RBM33: variants seen among roughly 807,000 people sequenced by gnomAD.
RBM33 encodes the protein RNA binding motif protein 33, also known as RNA-binding protein 33.
Under a neutral mutation model 132.6 loss-of-function variants are expected in RBM33, and 28 were observed. That is an observed-to-expected ratio of 0.21 (90% CI 0.16 to 0.29). RBM33 has a LOEUF of 0.29. Ranked by LOEUF, RBM33 falls within the 10% of genes least tolerant of loss-of-function variation. The probability of loss-of-function intolerance (pLI) is 1.00; values close to 1 mark genes in which losing one functional copy is unlikely to be tolerated. For missense variants in RBM33, 1,291 were observed against 1,518.5 expected (o/e 0.85, Z 2.49); for synonymous variants, 634 against 593.0 (o/e 1.07, Z -1.01).
Position 155,737,681 on chromosome 7 carries a change from G to A in RBM33, c.1393+19G>A, listed in dbSNP as rs1563167984. 2 of 1,548,496 alleles carry A rather than the reference G, an allele frequency of 1.3e-6. No individual in the cohort carries two copies. Among genetic ancestry groups the A allele is most frequent in the South Asian group, 1.3e-5 (1 of 78,684 alleles). ...TTAGGAGGTACAGAAAGAGTGAGTGGTGTGGAGTAACAACAGAAGCTGCAT... is the reference window on the plus strand; with the variant it reads ...TTAGGAGGTACAGAAAGAGTGAGTGATGTGGAGTAACAACAGAAGCTGCAT... On this transcript the variant is annotated intron_variant, in intron 10 of 17. Transcript: ENST00000401878.
intron 16 of RBM33, among the ~76,000 whole-genome samples, chr7:155,772,234 C>T (rs1239037678): frequency 1.3e-5 from 2 of 152,114 alleles, no homozygotes; most frequent in Non-Finnish European, 2.9e-5. Context: ...GAGAGAACCC[C>T]GGAGGCACGG....
In RBM33 at chr7:155,741,914, G is replaced by A. The variant is rs780253723; in HGVS notation, c.2145G>A (p.Pro715=). 1.7e-5 allele frequency: 28 copies of A among 1,613,858 alleles called. No individual in the cohort carries two copies. The highest frequency in any genetic ancestry group is 3.3e-5 in the South Asian group (3 of 91,082). Reference sequence around the variant, plus strand: ...ATTTGCGTGAATTACCCATAGCGCCGTCACACGTGATAGAAATGAGCAGCA... The same window carrying A: ...ATTTGCGTGAATTACCCATAGCGCCATCACACGTGATAGAAATGAGCAGCA... ...NSNLRELPIA[P]SHVIEMSSSR... is the part of the protein sequence containing the mutation. Residue 715 remains proline, a synonymous_variant, in exon 13 of 18, where the codon CCG becomes CCA. Transcript: ENST00000401878.
At chr7:155,768,459 C>T (rs992679142) in intron 16 of RBM33, among the ~76,000 whole-genome samples, 8 of 152,178 alleles carry the variant, frequency 5.3e-5, no homozygotes, top group Non-Finnish European at 1.0e-4. Context: ...TATTTTTTAT[C>T]CTAAATGTTT....
intron 16 of RBM33, among the ~76,000 whole-genome samples, chr7:155,768,139 T>C (rs1458933011): frequency 1.3e-5 from 2 of 152,244 alleles, no homozygotes; most frequent in Non-Finnish European, 2.9e-5. Flanking sequence ...CCTGCTACTT[T>C]TGTGGACTTT....
At chr7:155,701,013 T>G (rs1290937100) in intron 6 of RBM33, 69 bp downstream of exon 6, 1 of 1,354,956 alleles carries the variant, frequency 7.4e-7, no homozygotes, top group South Asian at 1.2e-5. Flanking sequence ...ATTGCTGTAA[T>G]TAATCAAAGT....
At chr7:155,739,615 G>T in intron 11 of RBM33, 100 bp from the exon 12 acceptor site, 2 of 1,332,062 alleles carry the variant, frequency 1.5e-6, no homozygotes, top group Non-Finnish European at 2.0e-6. Context: ...ATCGCTGAAA[G>T]TTCCTTTCTT....
At chr7:155,653,820 G>A (rs1055897425) in intron 1 of RBM33, among the ~76,000 whole-genome samples, 1 of 152,192 alleles carries the variant, frequency 6.6e-6, no homozygotes, top group Admixed American at 6.5e-5. Flanking sequence ...GCAATGGGGG[G>A]AGGTGTGATA....
chr7:155,717,675 A>C (rs1800506066), intron 8 of RBM33, among the ~76,000 whole-genome samples: 1 of 152,206 alleles, frequency 6.6e-6, no homozygotes, highest in Non-Finnish European at 1.5e-5. Flanking sequence ...AATCAAGATC[A>C]GTATAGTGCA....
intron 1 of RBM33, 56 bp downstream of exon 1, chr7:155,644,975 G>A: frequency 1.5e-6 from 2 of 1,373,640 alleles, no homozygotes; most frequent in African/African-American, 1.5e-5. Flanking sequence ...GGGCGGGGGT[G>A]TAGGCCGGGG....
Position 155,706,828 on chromosome 7 carries a change from A to G in RBM33, c.740-32A>G, listed in dbSNP as rs761974674. On this transcript the variant is annotated intron_variant, in intron 6 of 17. Transcript: ENST00000401878. Reference sequence around the variant, plus strand: ...AGACCTCCAGTTTGGGCTCTCGGAAAGTAACTAACACATACACATTTTTTC... The same window carrying G: ...AGACCTCCAGTTTGGGCTCTCGGAAGGTAACTAACACATACACATTTTTTC... 6.5e-6 allele frequency: 10 copies of G among 1,547,936 alleles called. No individual in the cohort carries two copies. The South Asian group carries it at 1.1e-4, about 17-fold the overall frequency.
intron 12 of RBM33, among the ~76,000 whole-genome samples, chr7:155,741,250 C>A (rs1000643229): frequency 4.6e-5 from 7 of 150,552 alleles, no homozygotes; most frequent in African/African-American, 1.7e-4. Flanking sequence ...CTCTCGTGTT[C>A]TCTTTGCCTC....
At chr7:155,654,151 A>C (rs1380071983) in intron 1 of RBM33, among the ~76,000 whole-genome samples, 1 of 152,222 alleles carries the variant, frequency 6.6e-6, no homozygotes, top group African/African-American at 2.4e-5. Context: ...CAGCACGTAT[A>C]TCCATCAATC....
rs1294417935 is a variant in RBM33, at chr7:155,707,003, A to G, written c.883A>G (p.Ser295Gly). ...CRGVGDQRRE[S>G]TERGRMKDHR... is the part of the protein sequence containing the mutation. The stretch of plus-strand genomic sequence containing the variant: ...TGGTGTGGGGGACCAGAGGAGAGAG[A>G]GCACCGAGAGGGGCAGGATGAAGGA... The change falls in exon 7 of 18, where the codon AGC becomes GGC. Residue 295 changes from serine (S) to glycine (G), a missense_variant. Ser to Gly is a moderately conservative substitution (Grantham distance 56). Coordinates refer to ENST00000401878, the MANE Select transcript of RBM33 (RefSeq NM_053043.3). 6.3e-7 allele frequency: 1 copy of G among 1,586,544 alleles called. No individual in the cohort carries two copies. Among genetic ancestry groups the G allele is most frequent in the African/African-American group, 1.3e-5 (1 of 74,386 alleles).
intron 3 of RBM33, among the ~76,000 whole-genome samples, chr7:155,675,484 C>T (rs548263130): frequency 6.6e-6 from 1 of 152,156 alleles, no homozygotes; most frequent in East Asian, 1.9e-4. Context: ...GAGGTTGTTT[C>T]CAGCTCATTG....
chr7:155,740,281 G>A (rs28540866), intron 12 of RBM33, among the ~76,000 whole-genome samples: 44,376 of 152,030 alleles, frequency 0.29, 7,919 homozygotes, highest in African/African-American at 0.5. Flanking sequence ...CATCTTTCTT[G>A]TATCTAGATA....
At position 155,741,833 on chromosome 7, in the gene RBM33, G is replaced by C; in HGVS notation, c.2064G>C (p.Gln688His). ...TTTGTGAAAAGAATACAACTTCTCA[G>C]AATGTAAGCAAGCGGCCCATGCAGC... ...RQGLRHNTTS[Q>H]NVSKRPMQQM... Residue 688 changes from glutamine to histidine, a missense_variant, in exon 13 of 18, where the codon CAG becomes CAC. Physicochemically the swap from Gln to His is conservative, Grantham distance 24. Transcript: ENST00000401878. 6.2e-7 allele frequency: 1 copy of C among 1,610,628 alleles called. No individual in the cohort carries two copies. Among genetic ancestry groups the C allele is most frequent in the African/African-American group, 1.3e-5 (1 of 74,948 alleles).
At chr7:155,763,557 C>T (rs1056888004) in intron 14 of RBM33, among the ~76,000 whole-genome samples, 4 of 152,278 alleles carry the variant, frequency 2.6e-5, no homozygotes, top group African/African-American at 9.6e-5. Context: ...ATTTTAATCG[C>T]AGATCTCTTA....
At position 155,766,436 on chromosome 7, in the gene RBM33, ACT is replaced by A. The variant is rs527237150; in HGVS notation, c.3187-28_3187-27del. 733 of 1,609,576 alleles carry A rather than the reference ACT, an allele frequency of 4.6e-4. 4 individuals carry two copies. The African/African-American group carries it at 8.5e-3, about 19-fold the overall frequency. On this transcript the variant is annotated intron_variant, in intron 15 of 17. Coordinates refer to ENST00000401878, the MANE Select transcript of RBM33 (RefSeq NM_053043.3). ...ACTATCGAAGAAGCTCAGGCTTGAAACTCTGAATGTATTTCCTTTGTTGTCAC... is the reference window on the plus strand; with the variant it reads ...ACTATCGAAGAAGCTCAGGCTTGAAACTGAATGTATTTCCTTTGTTGTCAC...
chr7:155,769,839 A>G (rs1399016954), intron 16 of RBM33, among the ~76,000 whole-genome samples: 1 of 152,224 alleles, frequency 6.6e-6, no homozygotes, highest in Non-Finnish European at 1.5e-5. Flanking sequence ...CCCACGTCAC[A>G]GGCTTAAAGA....
Sources: allele counts gnomAD v4.1 joint callset (sites outside exome capture counted in the v4.1 genomes callset), GRCh38; gene constraint gnomAD v4.1.1; transcripts MANE v1.5; gene names NCBI Gene and HGNC (gene_info 2026-07-23, HGNC 2026-07-21).